Variants in IL1RAP observed in about 807,000 individuals in gnomAD.
The protein encoded by IL1RAP is interleukin-1 receptor accessory protein.
IL1RAP carries 35 observed loss-of-function variants against 60.7 expected under a neutral mutation model. The ratio of observed to expected loss-of-function variants is 0.58; its 90% CI spans 0.44 to 0.76. IL1RAP has a LOEUF of 0.76. Ranked by LOEUF, IL1RAP falls within the 30% of genes least tolerant of loss-of-function variation. The pLI, the probability that IL1RAP is intolerant of heterozygous loss-of-function variation, is 0.00. For synonymous variants in IL1RAP, 268 were observed against 250.9 expected (o/e 1.07, Z -0.64); for missense variants, 572 against 693.9 (o/e 0.82, Z 1.97).
chr3:190,648,161 A>C (rs1419968911), intron 11 of IL1RAP, among the ~76,000 whole-genome samples, 177 bp from the exon 12 acceptor site: 1 of 152,202 alleles, frequency 6.6e-6, no homozygotes, highest in African/African-American at 2.4e-5. Flanking sequence ...AGACAGTGGT[A>C]TTTAACAAAG....
chr3:190,606,503 C>T (rs1730341089), intron 4 of IL1RAP, among the ~76,000 whole-genome samples: 1 of 152,228 alleles, frequency 6.6e-6, no homozygotes, highest in African/African-American at 2.4e-5. Flanking sequence ...ATGGTCTCCA[C>T]TGTGTATCTT....
At chr3:190,546,297 C>T (rs1724367757) in intron 1 of IL1RAP, among the ~76,000 whole-genome samples, 1 of 152,128 alleles carries the variant, frequency 6.6e-6, no homozygotes, top group African/African-American at 2.4e-5. Flanking sequence ...CTCCCTTATG[C>T]GTGGCTGCAT....
chr3:190,554,240 G>A (rs1038127809), intron 1 of IL1RAP, among the ~76,000 whole-genome samples: 1 of 152,006 alleles, frequency 6.6e-6, no homozygotes, highest in African/African-American at 2.4e-5. Context: ...ACAGAAGGGT[G>A]AGAAAAATGG....
At position 190,649,924 on chromosome 3, in the gene IL1RAP, C is replaced by A; in HGVS notation, c.*1219C>A. On this transcript the variant is annotated 3_prime_UTR_variant, in exon 12 of 12. Transcript: ENST00000447382. ...TACAGAGTGGTAAATATCTATGTTACATGTAGATTATACATATATATACAC... is the reference window on the plus strand; with the variant it reads ...TACAGAGTGGTAAATATCTATGTTAAATGTAGATTATACATATATATACAC... 1 of 928,240 alleles carries A rather than the reference C, an allele frequency of 1.1e-6. No individual in the cohort carries two copies. The highest frequency in any genetic ancestry group is 1.3e-6 in the Non-Finnish European group (1 of 777,974). The allele number at this position is 928,240 out of a possible 1,614,324, so 57.5% of individuals were successfully genotyped here.
At chr3:190,571,048 C>A (rs773614041) in intron 3 of IL1RAP, among the ~76,000 whole-genome samples, 1 of 152,132 alleles carries the variant, frequency 6.6e-6, no homozygotes, top group Non-Finnish European at 1.5e-5. Context: ...CTCAGTGGAA[C>A]CTTCTCCAGG....
chr3:190,526,994 G>A (rs1217609598), intron 1 of IL1RAP, among the ~76,000 whole-genome samples: 4 of 152,196 alleles, frequency 2.6e-5, no homozygotes, highest in African/African-American at 7.2e-5. Context: ...GGTGCTGTGT[G>A]ACCACGCTTT....
chr3:190,547,697 G>C (rs570969994), intron 1 of IL1RAP, among the ~76,000 whole-genome samples: 3 of 152,274 alleles, frequency 2.0e-5, no homozygotes, highest in African/African-American at 7.2e-5. Context: ...CTCCCAGGTG[G>C]CGAAGTGTTG....
intron 1 of IL1RAP, among the ~76,000 whole-genome samples, chr3:190,553,647 G>A (rs1725092095): frequency 6.6e-6 from 1 of 152,144 alleles, no homozygotes; most frequent in Admixed American, 6.5e-5. Context: ...GAAAAAAGAA[G>A]GAAAAGGCCA....
chr3:190,551,294 AAAAC>A (rs1266018456), intron 1 of IL1RAP, among the ~76,000 whole-genome samples: 2 of 152,230 alleles, frequency 1.3e-5, no homozygotes, highest in African/African-American at 4.8e-5. Flanking sequence ...AACCCTTGGT[AAAAC>A]AAACAGTTTC....
At chr3:190,617,685 T>C (rs1731397114) in intron 5 of IL1RAP, among the ~76,000 whole-genome samples, 1 of 152,246 alleles carries the variant, frequency 6.6e-6, no homozygotes, top group Admixed American at 6.5e-5. Context: ...GAAATCATTA[T>C]AACATTTTCA....
intron 1 of IL1RAP, among the ~76,000 whole-genome samples, chr3:190,535,009 G>A (rs148185223): frequency 9.1e-4 from 139 of 152,056 alleles, no homozygotes; most frequent in African/African-American, 3.2e-3. Context: ...AGAGAGCCTT[G>A]GTAGCAACAA....
intron 1 of IL1RAP, among the ~76,000 whole-genome samples, chr3:190,554,128 T>C (rs1725181602): frequency 6.8e-6 from 1 of 146,094 alleles, no homozygotes; most frequent in Non-Finnish European, 1.5e-5. Flanking sequence ...TGCATCTCAC[T>C]CACCCTTTCT....
chr3:190,535,125 T>C (rs1723333007), intron 1 of IL1RAP, among the ~76,000 whole-genome samples: 2 of 152,132 alleles, frequency 1.3e-5, no homozygotes. Flanking sequence ...GAAACATGAA[T>C]AGTAGTCCTG....
At chr3:190,653,213 A>C (rs1734479258), downstream of IL1RAP, among the ~76,000 whole-genome samples, 1 of 152,198 alleles carries the variant, frequency 6.6e-6, no homozygotes, top group Non-Finnish European at 1.5e-5. Context: ...AGATTCAATA[A>C]ACATTAGTCC....
intron 1 of IL1RAP, among the ~76,000 whole-genome samples, chr3:190,526,669 A>T (rs756923409): frequency 6.6e-6 from 1 of 152,224 alleles, no homozygotes; most frequent in Non-Finnish European, 1.5e-5. Context: ...TGAAGTGTGC[A>T]TGTAAAGCAC....
At position 190,648,680 on chromosome 3, in the gene IL1RAP, C is replaced by A; in HGVS notation, c.1688C>A (p.Ser563Ter). 6.2e-7 allele frequency: 1 copy of A among 1,610,408 alleles called. No individual in the cohort carries two copies. The highest frequency in any genetic ancestry group is 1.1e-5 in the South Asian group (1 of 90,616). The change falls in exon 12 of 12, where the codon TCG (serine) becomes TAG (stop). Residue 563 changes from serine to a stop codon, truncating the protein, a stop_gained. Transcript: ENST00000447382. LOFTEE classifies it high-confidence loss of function. ...RRSSSDEQGL[S>*]YSSLKNV ...TCTAGCAGTGATGAGCAGGGCCTCTCGTATTCATCTTTGAAAAATGTATGA... is the reference window on the plus strand; with the variant it reads ...TCTAGCAGTGATGAGCAGGGCCTCTAGTATTCATCTTTGAAAAATGTATGA...
chr3:190,613,385 A>G (rs780491565), intron 5 of IL1RAP, among the ~76,000 whole-genome samples: 1 of 152,172 alleles, frequency 6.6e-6, no homozygotes, highest in Non-Finnish European at 1.5e-5. Flanking sequence ...TGGTTACGTG[A>G]TTATGAGTCT....
At chr3:190,642,757 G>T (rs1733746408) in intron 9 of IL1RAP, among the ~76,000 whole-genome samples, 1 of 152,014 alleles carries the variant, frequency 6.6e-6, no homozygotes, top group Non-Finnish European at 1.5e-5. Flanking sequence ...TAGAATATTA[G>T]CCACAAAAGG....
intron 3 of IL1RAP, among the ~76,000 whole-genome samples, chr3:190,586,177 A>G (rs556122195): frequency 2.2e-4 from 34 of 152,290 alleles, no homozygotes; most frequent in Non-Finnish European, 4.6e-4. Context: ...GACACGTTGC[A>G]TCTTTATTTT....
Sources: allele counts gnomAD v4.1 joint callset (sites outside exome capture counted in the v4.1 genomes callset), GRCh38; gene constraint gnomAD v4.1.1; transcripts MANE v1.5; gene names NCBI Gene and HGNC (gene_info 2026-07-23, HGNC 2026-07-21).